The following NRIP1 variants were observed in gnomAD, a reference collection of about 807,000 sequenced individuals.
NRIP1 encodes nuclear receptor-interacting protein 1.
In NRIP1, 28 loss-of-function variants were observed where a neutral mutation model predicts 75.0. The observed-to-expected ratio is 0.37, with a 90% CI of 0.28 to 0.51. The LOEUF (loss-of-function observed/expected upper bound fraction) is 0.51. Ranked by LOEUF, NRIP1 falls within the 20% of genes least tolerant of loss-of-function variation. The probability of loss-of-function intolerance (pLI) is 0.92; values close to 1 mark genes in which losing one functional copy is unlikely to be tolerated. For synonymous variants in NRIP1, 526 were observed against 487.6 expected, an observed-to-expected ratio of 1.08 and a Z score of -1.04; for missense variants, 1,435 against 1,343.7, an observed-to-expected ratio of 1.07 and a Z score of -1.06.
chr21:15,057,214 A>C (rs1171820263), intron 1 of NRIP1, among the ~76,000 whole-genome samples: 1 of 152,244 alleles, frequency 6.6e-6, no homozygotes, highest in Non-Finnish European at 1.5e-5. Context: ...AAGAGTTGTA[A>C]CTTTTCAACC....
chr21:15,032,843 A>G (rs1408687338), intron 2 of NRIP1, among the ~76,000 whole-genome samples: 1 of 152,252 alleles, frequency 6.6e-6, no homozygotes, highest in African/African-American at 2.4e-5. Context: ...GATGTGTGTG[A>G]TGTAAAAATG....
rs2086606844 is a variant in NRIP1, at chr21:14,962,043, A to ACATATTATATATATATATAT, written c.*2672_*2673insATATATATATATATAATATG. ...TATATATATATATATATATATATAT[A>ACATATTATATATATATATAT]AAATATATACTCTCACCAGTTTACT... On this transcript the variant is annotated 3_prime_UTR_variant, in exon 4 of 4. Transcript: ENST00000318948. The ACATATTATATATATATATAT allele has an allele frequency of 7.2e-6, 1 of 138,352 alleles. No homozygotes were observed. Among genetic ancestry groups the ACATATTATATATATATATAT allele is most frequent in the Non-Finnish European group, 1.6e-5 (1 of 63,804 alleles). The allele number at this position is 138,352 out of a possible 1,614,324, so 8.6% of individuals were successfully genotyped here.
chr21:15,063,772 A>C (rs1568742828), intron 1 of NRIP1, among the ~76,000 whole-genome samples: 1 of 152,250 alleles, frequency 6.6e-6, no homozygotes, highest in Non-Finnish European at 1.5e-5. Context: ...CCCAAAGTAA[A>C]ATGTGCCATT....
chr21:15,024,999 G>A (rs1050272232), intron 2 of NRIP1, among the ~76,000 whole-genome samples: 6 of 152,118 alleles, frequency 3.9e-5, no homozygotes, highest in Non-Finnish European at 7.4e-5. Flanking sequence ...AGAAAAGGGT[G>A]GTTTGAGGTG....
intron 3 of NRIP1, among the ~76,000 whole-genome samples, chr21:14,972,311 T>C (rs867037229): frequency 2.6e-4 from 39 of 152,242 alleles, no homozygotes; most frequent in African/African-American, 9.4e-4. Flanking sequence ...TTCATTTCTA[T>C]AGTATAGAAT....
At chr21:14,972,787 T>A (rs1244730105) in intron 3 of NRIP1, among the ~76,000 whole-genome samples, 1 of 152,176 alleles carries the variant, frequency 6.6e-6, no homozygotes, top group Admixed American at 6.5e-5. Context: ...ATTAGATTCT[T>A]ATAAACAGTG....
chr21:15,051,716 C>T (rs1278843503), intron 1 of NRIP1: 1 of 152,196 alleles, frequency 6.6e-6, no homozygotes, highest in Non-Finnish European at 1.5e-5. Context: ...CTAATCTTTA[C>T]CAGACGGGCA....
intron 3 of NRIP1, among the ~76,000 whole-genome samples, chr21:14,969,904 T>C (rs181094953): frequency 2.0e-5 from 3 of 152,326 alleles, no homozygotes; most frequent in Admixed American, 2.0e-4. Flanking sequence ...AGAGACTTTC[T>C]TGAGATTCCA....
rs917549986 is a variant in NRIP1, at chr21:14,961,270, G to A, written c.*3446C>T. 2.0e-5 allele frequency: 3 copies of A among 152,284 alleles called. No individual in the cohort carries two copies. The highest frequency in any genetic ancestry group is 7.3e-5 in the African/African-American group (3 of 41,366). The allele number at this position is 152,284 out of a possible 1,614,324, so 9.4% of individuals were successfully genotyped here. A position where few individuals can be genotyped will look rare whatever the true frequency, so the allele number is the denominator to read the frequency against. On this transcript the variant is annotated 3_prime_UTR_variant, in exon 4 of 4. Transcript: ENST00000318948. ...TTTTTCTCATTTATTCAAATTCACT[G>A]CAGGAAGTAAACACTAAAAGATTAA...
intron 3 of NRIP1, among the ~76,000 whole-genome samples, chr21:14,972,181 T>C (rs976241890): frequency 1.3e-5 from 2 of 150,938 alleles, no homozygotes; most frequent in African/African-American, 5.0e-5. Context: ...CTCCTTCTAT[T>C]GAAAGCTCTT....
intron 3 of NRIP1, chr21:15,002,473 AAC>A (rs140971315): frequency 7.3e-5 from 11 of 151,294 alleles, no homozygotes; most frequent in African/African-American, 1.7e-4. Context: ...GTCAAAATTA[AAC>A]ACACACACAC....
chr21:15,029,494 T>C (rs2147248073), intron 2 of NRIP1, among the ~76,000 whole-genome samples: 1 of 152,324 alleles, frequency 6.6e-6, no homozygotes, highest in East Asian at 1.9e-4. Flanking sequence ...TGCTTCAATT[T>C]TTATTTAGCA....
intron 2 of NRIP1, among the ~76,000 whole-genome samples, chr21:15,037,206 A>G (rs1050958293): frequency 1.1e-4 from 17 of 152,220 alleles, no homozygotes; most frequent in African/African-American, 4.1e-4. Flanking sequence ...AATTACCCAT[A>G]TCACACTTTG....
chr21:14,984,521 CTGG>C (rs1314135232), intron 3 of NRIP1, among the ~76,000 whole-genome samples: 1 of 151,874 alleles, frequency 6.6e-6, no homozygotes, highest in Admixed American at 6.6e-5. Context: ...GGAATCTACT[CTGG>C]TGAAGAGACT....
At chr21:15,031,538 C>A (rs962021033) in intron 2 of NRIP1, among the ~76,000 whole-genome samples, 1 of 137,906 alleles carries the variant, frequency 7.3e-6, no homozygotes, top group Non-Finnish European at 1.5e-5. Context: ...CTCTGGAAGG[C>A]GGTTGGAGGT....
intron 1 of NRIP1, among the ~76,000 whole-genome samples, chr21:15,046,376 A>G (rs957164146): frequency 6.6e-6 from 1 of 152,352 alleles, no homozygotes; most frequent in African/African-American, 2.4e-5. Flanking sequence ...GTCAATAAAC[A>G]GTAATATTTC....
intron 1 of NRIP1, among the ~76,000 whole-genome samples, chr21:15,060,530 G>A (rs1286665873): frequency 2.0e-5 from 3 of 152,136 alleles, no homozygotes; most frequent in Non-Finnish European, 2.9e-5. Flanking sequence ...GGTTTTCCCT[G>A]TTGATGAAGA....
chr21:14,980,243 A>C (rs2087194674), intron 3 of NRIP1, among the ~76,000 whole-genome samples: 1 of 152,048 alleles, frequency 6.6e-6, no homozygotes, highest in Non-Finnish European at 1.5e-5. Context: ...TAATCCCAGC[A>C]CTCTGGGAGG....
intron 3 of NRIP1, among the ~76,000 whole-genome samples, chr21:14,973,489 A>G (rs1327625194): frequency 2.0e-5 from 3 of 152,188 alleles, no homozygotes; most frequent in Non-Finnish European, 2.9e-5. Context: ...AACCTACACA[A>G]TAATAGAATA....
Sources: allele counts gnomAD v4.1 joint callset (sites outside exome capture counted in the v4.1 genomes callset), GRCh38; gene constraint gnomAD v4.1.1; transcripts MANE v1.5; gene names NCBI Gene and HGNC (gene_info 2026-07-23, HGNC 2026-07-21).